The following SDK2 variants were observed in gnomAD, a reference collection of about 807,000 sequenced individuals.
SDK2 encodes sidekick cell adhesion molecule 2, also known as protein sidekick-2.
A neutral mutation model predicts 253.9 loss-of-function variants in SDK2; 105 were observed. That is an observed-to-expected ratio of 0.41 (90% CI 0.35 to 0.49). The LOEUF is 0.49. SDK2 is among the 20% of genes least tolerant of loss of function. The pLI is 0.06. For synonymous variants in SDK2, 1,249 were observed against 1,234.9 expected (o/e 1.01, Z -0.24); for missense variants, 2,608 against 3,003.0 (o/e 0.87, Z 3.07).
At chr17:73,403,435 G>A (rs902884921) in intron 18 of SDK2, among the ~76,000 whole-genome samples, 2 of 124,722 alleles carry the variant, frequency 1.6e-5, no homozygotes, top group African/African-American at 3.2e-5. Context: ...GCCCCCTCCC[G>A]CCTGTCTCGC....
intron 2 of SDK2, among the ~76,000 whole-genome samples, chr17:73,473,864 A>T (rs933308369): frequency 6.6e-6 from 1 of 152,232 alleles, no homozygotes; most frequent in African/African-American, 2.4e-5. Context: ...TCAGGCAACA[A>T]CAACAAAAAC....
rs12945929 is a variant in SDK2, at chr17:73,383,450, C to A, written c.4705+426G>T. ...GGTGAGGCTTCTGGTCCCTCAAGGG[C>A]AGGGTGCTCCTTCTCATGCACCGGG... On this transcript the variant is annotated intron_variant, in intron 33 of 44. Coordinates refer to ENST00000392650, the MANE Select transcript of SDK2 (RefSeq NM_001144952.2). The surrounding 1 kb of genome is among the most constrained non-coding windows in gnomAD (Gnocchi z 4.3). Among the ~76,000 whole-genome samples, 43,534 of 152,154 alleles carry A rather than the reference C, an allele frequency of 0.29. 6,467 individuals are homozygous for A. The highest frequency in any genetic ancestry group is 0.44 in the East Asian group (2,279 of 5,146).
At chr17:73,373,856 C>T (rs139737359) in intron 36 of SDK2, among the ~76,000 whole-genome samples, 1,565 of 151,150 alleles carry the variant, frequency 0.01, 38 homozygotes, top group African/African-American at 0.037. Context: ...AGGCTGGTCT[C>T]GAACTACTGA....
chr17:73,401,577 A>G (rs2063026361), intron 20 of SDK2, 77 bp downstream of exon 20: 1 of 1,346,890 alleles, frequency 7.4e-7, no homozygotes, highest in Non-Finnish European at 1.0e-6. Flanking sequence ...AAAGTAGCTC[A>G]AAGGCAGGGG....
At chr17:73,415,746 C>T in intron 17 of SDK2, 65 bp downstream of exon 17, 1 of 1,411,756 alleles carries the variant, frequency 7.1e-7, no homozygotes, top group Non-Finnish European at 9.7e-7. Context: ...GTCTTGGCGT[C>T]CCAAAGTGCT....
intron 22 of SDK2, 32 bp downstream of exon 22, chr17:73,399,136 G>T: frequency 6.2e-7 from 1 of 1,610,520 alleles, no homozygotes; most frequent in Non-Finnish European, 8.5e-7. Flanking sequence ...GCCCTGGCGG[G>T]GGCTGCTGGT....
At chr17:73,355,931 T>C (rs1281858480) in intron 40 of SDK2, among the ~76,000 whole-genome samples, 3 of 152,212 alleles carry the variant, frequency 2.0e-5, no homozygotes, top group Non-Finnish European at 2.9e-5. Context: ...CTTTGAATGA[T>C]ATCATAATGA....
intron 1 of SDK2, among the ~76,000 whole-genome samples, chr17:73,595,611 G>C (rs2045746335): frequency 6.6e-6 from 1 of 152,206 alleles, no homozygotes; most frequent in Non-Finnish European, 1.5e-5. Flanking sequence ...AGGCAGCCTG[G>C]GGCCCAGGCC....
At chr17:73,412,078 GTATA>G (rs2063139682) in intron 18 of SDK2, among the ~76,000 whole-genome samples, 1 of 79,022 alleles carries the variant, frequency 1.3e-5, no homozygotes, top group Non-Finnish European at 2.9e-5. Context: ...ACGTATATAT[GTATA>G]TGTATATATA....
intron 27 of SDK2, 80 bp downstream of exon 27, chr17:73,393,480 C>G: frequency 7.4e-7 from 1 of 1,351,532 alleles, no homozygotes; most frequent in East Asian, 2.5e-5. Flanking sequence ...GAGCCTGACC[C>G]CAGAAGGGCA....
chr17:73,620,039 A>T (rs989283065), intron 1 of SDK2, among the ~76,000 whole-genome samples: 7 of 152,150 alleles, frequency 4.6e-5, no homozygotes, highest in Admixed American at 1.3e-4. Context: ...TCTCTACAAA[A>T]CGTACAAAAA....
Position 73,465,437 on chromosome 17 carries a change from A to C in SDK2, c.331+6675T>G, listed in dbSNP as rs1240211675. Among the ~76,000 whole-genome samples, 1 of 152,022 alleles carries C rather than the reference A, an allele frequency of 6.6e-6. No homozygotes were observed. The highest frequency in any genetic ancestry group is 1.9e-4 in the East Asian group (1 of 5,162). On this transcript the variant is annotated intron_variant, in intron 3 of 44. Transcript: ENST00000392650. This position sits in a 1 kb window ranked among gnomAD's most constrained non-coding sequence, Gnocchi z 4.2. ...ACACAGAGGTGCCCTCAGGACCTGG[A>C]TGTGGTGAAACGCTGGCTGTGGTGA...
Position 73,336,939 on chromosome 17 carries a change from TAGAA to T in SDK2, c.*1644_*1647del, listed in dbSNP as rs2062384037. 6.6e-6 allele frequency: 1 copy of T among 151,836 alleles called. No individual in the cohort carries two copies. Among genetic ancestry groups the T allele is most frequent in the South Asian group, 2.1e-4 (1 of 4,798 alleles). The allele number at this position is 151,836 out of a possible 1,614,324, so 9.4% of individuals were successfully genotyped here. ...GCCTTGGACAATGTATGGAGTTAGA[TAGAA>T]AGGCTTCTCCCTAAACCCTGGCATC... On this transcript the variant is annotated 3_prime_UTR_variant, in exon 45 of 45. Coordinates refer to ENST00000392650, the MANE Select transcript of SDK2 (RefSeq NM_001144952.2).
intron 36 of SDK2, among the ~76,000 whole-genome samples, chr17:73,374,569 G>A (rs1239889775): frequency 7.0e-6 from 1 of 143,622 alleles, no homozygotes; most frequent in Non-Finnish European, 1.5e-5. Context: ...CTGGGTTCAA[G>A]GGATTCTTTT....
chr17:73,410,136 G>A (rs1047499455), intron 18 of SDK2, among the ~76,000 whole-genome samples: 1 of 152,246 alleles, frequency 6.6e-6, no homozygotes, highest in East Asian at 1.9e-4. Context: ...TTCCAGGCGT[G>A]AGCCACGGTG....
At chr17:73,641,117 G>T (rs1468371911) in intron 1 of SDK2, 1 of 152,276 alleles carries the variant, frequency 6.6e-6, no homozygotes, top group Non-Finnish European at 1.5e-5. Flanking sequence ...GGAATTTAAA[G>T]AAACCTCCTG....
chr17:73,456,167 G>T, intron 3 of SDK2, 114 bp from the exon 4 acceptor site: 1 of 1,197,650 alleles, frequency 8.3e-7, no homozygotes, highest in Non-Finnish European at 1.1e-6. Context: ...CAGACAGGAT[G>T]ACCACAGGGA....
chr17:73,443,252 C>T lies in SDK2; in HGVS notation c.614-2329G>A, dbSNP rs998287386. ...TGCTAGAAAAGGCCCAGGAAGAATG[C>T]GCATAAAATGTAAAAAATAAAGTAA... On this transcript the variant is annotated intron_variant, in intron 5 of 44. Coordinates refer to ENST00000392650, the MANE Select transcript of SDK2 (RefSeq NM_001144952.2). The surrounding 1 kb of genome is among the most constrained non-coding windows in gnomAD (Gnocchi z 4.6). Among the ~76,000 whole-genome samples, 6 of 151,812 alleles carry T rather than the reference C, an allele frequency of 4.0e-5. No individual in the cohort carries two copies. The highest frequency in any genetic ancestry group is 1.5e-4 in the African/African-American group (6 of 41,270).
At chr17:73,466,377 G>T (rs146110867) in intron 3 of SDK2, among the ~76,000 whole-genome samples, 240 of 152,276 alleles carry the variant, frequency 1.6e-3, no homozygotes, top group Non-Finnish European at 1.9e-3. Flanking sequence ...CCGTACTCAT[G>T]GTAGCATCCT....
Sources: gnomAD v4.1 joint callset for allele counts (sites outside exome capture counted in the v4.1 genomes callset) on GRCh38, gnomAD v4.1.1 for gene constraint, Gnocchi (gnomAD v3.1) non-coding constraint, MANE v1.5 for transcripts, NCBI Gene and HGNC (gene_info 2026-07-23, HGNC 2026-07-21) for gene names.